ATP2B4: variants seen among roughly 807,000 people sequenced by gnomAD.
ATP2B4 encodes plasma membrane calcium-transporting ATPase 4.
A neutral mutation model predicts 110.3 loss-of-function variants in ATP2B4; 39 were observed. The observed-to-expected ratio is 0.35, with a 90% CI of 0.27 to 0.46. The LOEUF (loss-of-function observed/expected upper bound fraction) is 0.46, where lower values mean the gene tolerates loss of function less well. ATP2B4 is among the 20% of genes least tolerant of loss of function. The pLI, the probability that ATP2B4 is intolerant of heterozygous loss-of-function variation, is 1.00. For synonymous variants in ATP2B4, 538 were observed against 571.7 expected, an observed-to-expected ratio of 0.94 and a Z score of 0.84; for missense variants, 1,135 against 1,530.9, an observed-to-expected ratio of 0.74 and a Z score of 4.32.
intron 2 of ATP2B4, among the ~76,000 whole-genome samples, chr1:203,694,686 G>C (rs924484474): frequency 2.0e-5 from 3 of 152,150 alleles, no homozygotes; most frequent in Non-Finnish European, 4.4e-5. Context: ...CTAAGTAAAA[G>C]CCAGAGGGTT....
chr1:203,633,087 A>G (rs890929822), intron 1 of ATP2B4, among the ~76,000 whole-genome samples: 9 of 152,210 alleles, frequency 5.9e-5, no homozygotes, highest in Admixed American at 3.9e-4. Context: ...GTATAAGTGA[A>G]CTGTGTTGTG....
At position 203,657,220 on chromosome 1, in the gene ATP2B4, T is replaced by G. The variant is rs551022879; in HGVS notation, c.-464-25522T>G. The G allele has an allele frequency of 9.6e-5, 70 of 732,494 alleles. No homozygotes were observed. The East Asian group carries it at 1.7e-3, about 18-fold the overall frequency. The allele number at this position is 732,494 out of a possible 1,614,324, so 45.4% of individuals were successfully genotyped here. A position where few individuals can be genotyped will look rare whatever the true frequency, so the allele number is the denominator to read the frequency against. ...ATGTAATACATGGGCTTTCTTGAAA[T>G]GCATATTGGCCTGATCAGTCTTTCT... On this transcript the variant is annotated intron_variant, in intron 1 of 20. Transcript: ENST00000357681.
At chr1:203,660,097 A>AGAAAGAAAGAAAGAAAG (rs764669362) in intron 1 of ATP2B4, among the ~76,000 whole-genome samples, 1 of 120,666 alleles carries the variant, frequency 8.3e-6, no homozygotes, top group African/African-American at 3.1e-5. Flanking sequence ...AAAAAAAAAA[A>AGAAAGAAAGAAAGAAAG]AAAGAAAGAA....
intron 11 of ATP2B4, 49 bp from the exon 12 acceptor site, chr1:203,710,828 G>A (rs564088244): frequency 7.9e-6 from 11 of 1,391,806 alleles, no homozygotes; most frequent in East Asian, 4.8e-5. Context: ...TTGTAGAAAC[G>A]TATTGAGTGG....
Position 203,743,569 on chromosome 1 carries a change from C to G in ATP2B4, c.*3715C>G, listed in dbSNP as rs2102248649. The G allele has an allele frequency of 6.5e-6, 1 of 152,710 alleles. No individual in the cohort carries two copies. Among genetic ancestry groups the G allele is most frequent in the African/African-American group, 2.4e-5 (1 of 41,564 alleles). The allele number at this position is 152,710 out of a possible 1,614,324, so 9.5% of individuals were successfully genotyped here. ...TGTTTTCTCCCCATATGTATATATG[C>G]CATATGTGAATATGCCATATATATG... is the stretch of plus-strand genomic sequence containing the variant. On this transcript the variant is annotated 3_prime_UTR_variant, in exon 21 of 21. Coordinates refer to ENST00000357681, the MANE Select transcript of ATP2B4 (RefSeq NM_001684.5).
chr1:203,693,585 CA>C lies in ATP2B4; in HGVS notation c.194-4566del, dbSNP rs199532236. Among the ~76,000 whole-genome samples the C allele has an allele frequency of 8.4e-3, 1,281 of 152,012 alleles. 18 individuals are homozygous for C. The highest frequency in any genetic ancestry group is 0.026 in the African/African-American group (1,083 of 41,484). Reference sequence around the variant, plus strand: ...GTATGTCACTTCATTTGCTTGGGTCCAAAAAAGGCCATAAGAAAGGTTTTAT... The same window carrying C: ...GTATGTCACTTCATTTGCTTGGGTCCAAAAAGGCCATAAGAAAGGTTTTAT... On this transcript the variant is annotated intron_variant, in intron 2 of 20. Coordinates refer to ENST00000357681, the MANE Select transcript of ATP2B4 (RefSeq NM_001684.5).
At chr1:203,698,636 TATTA>T (rs1466721817) in intron 3 of ATP2B4, among the ~76,000 whole-genome samples, 2 of 151,578 alleles carry the variant, frequency 1.3e-5, no homozygotes, top group African/African-American at 4.8e-5. Context: ...TTTATTTATT[TATTA>T]ATTATTATTA....
intron 2 of ATP2B4, among the ~76,000 whole-genome samples, chr1:203,693,320 A>C (rs1471156076): frequency 6.6e-6 from 1 of 152,108 alleles, no homozygotes; most frequent in African/African-American, 2.4e-5. Context: ...GCCTCACCAC[A>C]TGTCAGAGAG....
chr1:203,644,464 A>T (rs190812318), intron 1 of ATP2B4, among the ~76,000 whole-genome samples: 1 of 152,232 alleles, frequency 6.6e-6, no homozygotes, highest in Admixed American at 6.5e-5. Context: ...TCCAGACTGG[A>T]AGTTGGGAAA....
At chr1:203,706,819 G>A (rs546117148) in intron 8 of ATP2B4, among the ~76,000 whole-genome samples, 190 bp from the exon 9 acceptor site, 19 of 152,150 alleles carry the variant, frequency 1.2e-4, no homozygotes, top group Admixed American at 2.0e-4. Context: ...TTTGAAATAC[G>A]AAACCACTGT....
intron 1 of ATP2B4, among the ~76,000 whole-genome samples, chr1:203,682,401 A>G (rs953908002): frequency 6.6e-5 from 10 of 152,202 alleles, no homozygotes; most frequent in African/African-American, 2.4e-4. Context: ...TCAAATAGAC[A>G]GGGAAAACAT....
In ATP2B4 at chr1:203,643,505, C is replaced by A. The variant is rs116337861; in HGVS notation, c.-465+16286C>A. 4.5e-3 allele frequency among the ~76,000 whole-genome samples: 691 copies of A among 152,348 alleles called. 9 individuals carry two copies. The highest frequency in any genetic ancestry group is 0.016 in the African/African-American group (657 of 41,580). ...TCCCCTGCTTTTCCCAGCACACACC[C>A]ACGCAGAGACTTTAGCTGGCAAGAA... On this transcript the variant is annotated intron_variant, in intron 1 of 20. Coordinates refer to ENST00000357681, the MANE Select transcript of ATP2B4 (RefSeq NM_001684.5).
chr1:203,645,869 G>A (rs192902817), intron 1 of ATP2B4, among the ~76,000 whole-genome samples: 13 of 152,216 alleles, frequency 8.5e-5, no homozygotes, highest in South Asian at 2.1e-4. Context: ...GATTACAGGC[G>A]TGAGCCACCG....
intron 20 of ATP2B4, among the ~76,000 whole-genome samples, chr1:203,738,731 T>C (rs948551516): frequency 2.0e-5 from 3 of 152,138 alleles, no homozygotes; most frequent in Non-Finnish European, 4.4e-5. Context: ...TGAACGTGCA[T>C]TTGAATTATG....
At chr1:203,674,846 C>T (rs11240719) in intron 1 of ATP2B4, among the ~76,000 whole-genome samples, 110,921 of 151,420 alleles carry the variant, frequency 0.73, 41,494 homozygotes, top group Middle Eastern at 0.86. Context: ...TTAGTAGAGA[C>T]GGGGTTTCAC....
intron 1 of ATP2B4, among the ~76,000 whole-genome samples, chr1:203,668,908 G>A (rs1347747875): frequency 6.6e-6 from 1 of 152,178 alleles, no homozygotes; most frequent in Non-Finnish European, 1.5e-5. Flanking sequence ...GGTAGGGGAA[G>A]GGATACACAT....
intron 1 of ATP2B4, among the ~76,000 whole-genome samples, chr1:203,680,434 C>T (rs537484237): frequency 5.9e-5 from 9 of 151,938 alleles, no homozygotes; most frequent in Non-Finnish European, 1.0e-4. Context: ...ACGGTGAAAC[C>T]CCGTCTCCAC....
rs776947100 is a variant in ATP2B4 at position 203,727,406 on chromosome 1, A to G, written c.3144A>G (p.Ala1048=). The G allele has an allele frequency of 1.2e-6, 2 of 1,614,034 alleles. No homozygotes were observed. The highest frequency in any genetic ancestry group is 2.7e-5 in the African/African-American group (2 of 74,938). ...GELLWGQFIS[A]IPTRSLKFLK... is the part of the protein sequence containing the mutation. ...GCGCTTGTTTTCAGTTCATCTCCGCAATACCTACCCGATCCCTGAAGTTCC... is the reference window on the plus strand; with the variant it reads ...GCGCTTGTTTTCAGTTCATCTCCGCGATACCTACCCGATCCCTGAAGTTCC... Residue 1048 remains alanine, a synonymous_variant, in exon 20 of 21, where the codon GCA becomes GCG. Coordinates refer to ENST00000357681, the MANE Select transcript of ATP2B4 (RefSeq NM_001684.5).
At chr1:203,707,308 C>A in intron 9 of ATP2B4, 85 bp downstream of exon 9, 1 of 1,344,432 alleles carries the variant, frequency 7.4e-7, no homozygotes, top group Non-Finnish European at 1.0e-6. Flanking sequence ...AAAGATAAGC[C>A]ATTCTATCAT....
Sources: gnomAD v4.1 joint callset for allele counts (sites outside exome capture counted in the v4.1 genomes callset) on GRCh38, gnomAD v4.1.1 for gene constraint, MANE v1.5 for transcripts, NCBI Gene and HGNC (gene_info 2026-07-23, HGNC 2026-07-21) for gene names.